The following CDH12 variants were observed in gnomAD, a reference collection of about 807,000 sequenced individuals.
The protein encoded by CDH12 is cadherin 12.
A neutral mutation model predicts 74.1 loss-of-function variants in CDH12; 41 were observed. The observed-to-expected ratio is 0.55, with a 90% CI of 0.43 to 0.72. The LOEUF (loss-of-function observed/expected upper bound fraction) is 0.72, where lower values mean the gene tolerates loss of function less well. Among genes scored for constraint, CDH12 ranks in the 30% least tolerant of loss-of-function variants. The probability of loss-of-function intolerance (pLI) is 0.00; values close to 1 mark genes in which losing one functional copy is unlikely to be tolerated. For missense variants in CDH12, 945 were observed against 977.2 expected (o/e 0.97, Z 0.44); for synonymous variants, 399 against 355.0 (o/e 1.12, Z -1.39).
chr5:22,164,286 G>A (rs1280067201), intron 4 of CDH12, among the ~76,000 whole-genome samples: 2 of 152,160 alleles, frequency 1.3e-5, no homozygotes, highest in African/African-American at 2.4e-5. Flanking sequence ...ATTAGAAGTC[G>A]TGGGTCACAG....
intron 1 of CDH12, among the ~76,000 whole-genome samples, chr5:22,694,238 G>A (rs1742234715): frequency 6.6e-6 from 1 of 152,150 alleles, no homozygotes; most frequent in African/African-American, 2.4e-5. Flanking sequence ...CTGGATAAGA[G>A]AGAAGAAACA....
chr5:21,814,687 T>C (rs866996029), intron 9 of CDH12, among the ~76,000 whole-genome samples: 13 of 150,468 alleles, frequency 8.6e-5, no homozygotes, highest in African/African-American at 2.9e-4. Context: ...ATATAAAGTA[T>C]ATCTAGAATT....
In CDH12 at chr5:22,281,075, A is replaced by T. The variant is rs1283067513; in HGVS notation, c.-332-68432T>A. ...GATGCAAGTCTGGTTCAATATACAC[A>T]AATCAATAAACATAACCCAGCATAT... On this transcript the variant is annotated intron_variant, in intron 3 of 14. Transcript: ENST00000382254. Among the ~76,000 whole-genome samples, 5 of 152,212 alleles carry T rather than the reference A, an allele frequency of 3.3e-5. No individual in the cohort carries two copies. In the East Asian group the frequency reaches 9.6e-4, roughly 29 times the overall value.
intron 3 of CDH12, among the ~76,000 whole-genome samples, chr5:22,360,967 C>CAG (rs1740777967): frequency 6.6e-6 from 1 of 152,126 alleles, no homozygotes; most frequent in Admixed American, 6.5e-5. Context: ...AACCCACAGC[C>CAG]AGTATCATAC....
intron 1 of CDH12, among the ~76,000 whole-genome samples, chr5:22,747,578 T>C (rs1414297712): frequency 1.7e-5 from 2 of 119,614 alleles, no homozygotes; most frequent in Non-Finnish European, 3.2e-5. Context: ...GCTACTACCC[T>C]CCAACCTGGT....
intron 3 of CDH12, among the ~76,000 whole-genome samples, chr5:22,348,724 A>G (rs1026192355): frequency 2.6e-5 from 4 of 152,186 alleles, no homozygotes; most frequent in African/African-American, 9.6e-5. Flanking sequence ...CTAGCAGGAT[A>G]CTATTATGAA....
At chr5:22,365,446 T>C (rs1423136870) in intron 3 of CDH12, among the ~76,000 whole-genome samples, 1 of 152,208 alleles carries the variant, frequency 6.6e-6, no homozygotes, top group Non-Finnish European at 1.5e-5. Flanking sequence ...GCTCCTGGCA[T>C]ACACAAGATA....
intron 1 of CDH12, among the ~76,000 whole-genome samples, chr5:22,798,667 T>A (rs1010233998): frequency 1.3e-5 from 2 of 152,174 alleles, no homozygotes; most frequent in Non-Finnish European, 2.9e-5. Context: ...AAGATATATT[T>A]AGAATTTTAC....
chr5:22,212,929 A>G (rs1751626066), intron 3 of CDH12, among the ~76,000 whole-genome samples: 3 of 152,176 alleles, frequency 2.0e-5, no homozygotes, highest in Admixed American at 2.0e-4. Context: ...TGGATGAACT[A>G]CAACTATGAT....
At chr5:22,792,826 C>G (rs1747985019) in intron 1 of CDH12, among the ~76,000 whole-genome samples, 1 of 152,146 alleles carries the variant, frequency 6.6e-6, no homozygotes, top group African/African-American at 2.4e-5. Flanking sequence ...GGATATCTCT[C>G]CTGGTGTCAT....
chr5:22,602,306 T>G (rs1318958746), intron 1 of CDH12, among the ~76,000 whole-genome samples: 1 of 152,178 alleles, frequency 6.6e-6, no homozygotes, highest in Non-Finnish European at 1.5e-5. Flanking sequence ...GTGTTTGGCT[T>G]AATCTTGATA....
intron 1 of CDH12, chr5:22,580,678 G>A (rs1203966968): frequency 5.0e-6 from 2 of 396,810 alleles, no homozygotes; most frequent in Admixed American, 5.5e-5. Context: ...TGTTTCAAGT[G>A]GAGGAGGCAT....
intron 10 of CDH12, among the ~76,000 whole-genome samples, chr5:21,795,058 G>A (rs1422384887): frequency 2.6e-5 from 4 of 151,376 alleles, no homozygotes; most frequent in African/African-American, 9.7e-5. Flanking sequence ...CATCTTTTTT[G>A]AGACCTCCAT....
intron 3 of CDH12, among the ~76,000 whole-genome samples, chr5:22,357,547 G>A (rs1035963502): frequency 1.3e-5 from 2 of 152,068 alleles, no homozygotes; most frequent in African/African-American, 2.4e-5. Flanking sequence ...GATTGTCAAC[G>A]TATTAACATA....
intron 3 of CDH12, among the ~76,000 whole-genome samples, chr5:22,380,085 A>C (rs560923466): frequency 6.6e-6 from 1 of 152,156 alleles, no homozygotes; most frequent in Non-Finnish European, 1.5e-5. Context: ...ATGTGAATTT[A>C]ACTCTAATTT....
At chr5:21,950,516 AC>A (rs1755803069) in intron 6 of CDH12, among the ~76,000 whole-genome samples, 1 of 151,870 alleles carries the variant, frequency 6.6e-6, no homozygotes. Context: ...ATAGAAACCA[AC>A]TAAAAAACAT....
chr5:22,424,320 G>C (rs1743800134), intron 2 of CDH12, among the ~76,000 whole-genome samples: 1 of 152,138 alleles, frequency 6.6e-6, no homozygotes, highest in Non-Finnish European at 1.5e-5. Flanking sequence ...CACTTGCAGA[G>C]TACGGCGTTT....
At chr5:22,291,778 C>T (rs1486947008) in intron 3 of CDH12, among the ~76,000 whole-genome samples, 1 of 152,054 alleles carries the variant, frequency 6.6e-6, no homozygotes, top group Non-Finnish European at 1.5e-5. Context: ...CTGTACTCTC[C>T]AAAGTGATCT....
At position 22,426,057 on chromosome 5, in the gene CDH12, G is replaced by A. The variant is rs368818798; in HGVS notation, c.-427-20706C>T. On this transcript the variant is annotated intron_variant, in intron 2 of 14. Coordinates refer to ENST00000382254, the MANE Select transcript of CDH12 (RefSeq NM_004061.5). ...CAAAAATTAGCTGGGTGTGGTGGCGGGCGCCTGTAGTTCCAGCTACTCAGG... is the reference window on the plus strand; with the variant it reads ...CAAAAATTAGCTGGGTGTGGTGGCGAGCGCCTGTAGTTCCAGCTACTCAGG... 1.3e-4 allele frequency among the ~76,000 whole-genome samples: 19 copies of A among 151,842 alleles called. No individual in the cohort carries two copies. The East Asian group carries it at 1.7e-3, about 14-fold the overall frequency.
Sources: allele counts gnomAD v4.1 joint callset (sites outside exome capture counted in the v4.1 genomes callset), GRCh38; gene constraint gnomAD v4.1.1; transcripts MANE v1.5; gene names NCBI Gene and HGNC (gene_info 2026-07-23, HGNC 2026-07-21).